Variants in SLC22A4 observed in about 807,000 individuals in gnomAD.
SLC22A4 encodes ET transporter.
Under a neutral mutation model 56.6 loss-of-function variants are expected in SLC22A4, and 39 were observed. That is an observed-to-expected ratio of 0.69 (90% CI 0.53 to 0.90). The LOEUF (loss-of-function observed/expected upper bound fraction) is 0.90, where lower values mean the gene tolerates loss of function less well. Among genes scored for constraint, SLC22A4 ranks in the 40% least tolerant of loss-of-function variants. The probability of loss-of-function intolerance (pLI) is 0.00; values close to 1 mark genes in which losing one functional copy is unlikely to be tolerated. For synonymous variants in SLC22A4, 241 were observed against 281.4 expected, an observed-to-expected ratio of 0.86 and a Z score of 1.44; for missense variants, 594 against 696.5, an observed-to-expected ratio of 0.85 and a Z score of 1.66.
At chr5:132,332,389 T>C (rs1002808859) in intron 6 of SLC22A4, 9 of 158,230 alleles carry the variant, frequency 5.7e-5, no homozygotes, top group African/African-American at 2.2e-4. Flanking sequence ...CCCTTCCCCC[T>C]CCTAAAGTTA....
At chr5:132,325,377 C>G (rs781716978) in intron 4 of SLC22A4, among the ~76,000 whole-genome samples, 3 of 152,200 alleles carry the variant, frequency 2.0e-5, no homozygotes, top group Non-Finnish European at 2.9e-5. Flanking sequence ...TTAGTGGGTG[C>G]TGTCTTAGTA....
intron 3 of SLC22A4, among the ~76,000 whole-genome samples, chr5:132,319,675 C>T (rs1260601526): frequency 6.6e-6 from 1 of 152,186 alleles, no homozygotes; most frequent in Non-Finnish European, 1.5e-5. Flanking sequence ...TCACTGCAAC[C>T]TCTGCCTCCT....
intron 4 of SLC22A4, among the ~76,000 whole-genome samples, chr5:132,323,272 C>G (rs1750596149): frequency 6.6e-6 from 1 of 152,194 alleles, no homozygotes; most frequent in Non-Finnish European, 1.5e-5. Flanking sequence ...TTTTGGAACT[C>G]ACAATTTAGA....
At chr5:132,327,241 T>A (rs1418966283) in intron 4 of SLC22A4, 36 bp from the exon 5 acceptor site, 1 of 1,469,978 alleles carries the variant, frequency 6.8e-7, no homozygotes, top group African/African-American at 1.4e-5. Flanking sequence ...GCCCTGCTGT[T>A]GTGAAAAATT....
chr5:132,318,882 G>A (rs190975935), intron 3 of SLC22A4, among the ~76,000 whole-genome samples: 159 of 152,236 alleles, frequency 1.0e-3, no homozygotes, highest in Non-Finnish European at 1.9e-3. Context: ...GGGATCCCCC[G>A]TCAGCACAGC....
At chr5:132,308,157 C>G (rs777735391) in intron 1 of SLC22A4, among the ~76,000 whole-genome samples, 1 of 152,084 alleles carries the variant, frequency 6.6e-6, no homozygotes, top group East Asian at 1.9e-4. Flanking sequence ...TGCCTCTTTC[C>G]TCTCTAGCCA....
At chr5:132,324,251 G>C (rs1750619198) in intron 4 of SLC22A4, among the ~76,000 whole-genome samples, 1 of 151,752 alleles carries the variant, frequency 6.6e-6, no homozygotes, top group Non-Finnish European at 1.5e-5. Context: ...AAGAGAGAGA[G>C]AGAATAACAA....
intron 4 of SLC22A4, among the ~76,000 whole-genome samples, chr5:132,326,666 G>A (rs1580839102): frequency 1.3e-5 from 2 of 152,306 alleles, no homozygotes; most frequent in African/African-American, 4.8e-5. Context: ...AGCTTTTTTA[G>A]ACATTAACAA....
chr5:132,306,771 T>C (rs1052030238), intron 1 of SLC22A4, among the ~76,000 whole-genome samples: 3 of 151,882 alleles, frequency 2.0e-5, no homozygotes, highest in African/African-American at 7.3e-5. Context: ...TATTAAACCA[T>C]AAAAAGTAAT....
At chr5:132,326,731 G>A (rs1216191830) in intron 4 of SLC22A4, among the ~76,000 whole-genome samples, 1 of 152,224 alleles carries the variant, frequency 6.6e-6, no homozygotes, top group Non-Finnish European at 1.5e-5. Context: ...TCGCTGATCT[G>A]GGAATCTGTT....
At chr5:132,321,634 G>A (rs1271785215) in intron 3 of SLC22A4, among the ~76,000 whole-genome samples, 3 of 152,196 alleles carry the variant, frequency 2.0e-5, no homozygotes, top group African/African-American at 7.2e-5. Flanking sequence ...TTGGCCAGGC[G>A]CGGTGGCTCA....
intron 3 of SLC22A4, among the ~76,000 whole-genome samples, chr5:132,315,539 G>GAA (rs1204291343): frequency 3.9e-5 from 6 of 152,136 alleles, no homozygotes; most frequent in Admixed American, 2.0e-4. Flanking sequence ...TACAGGAAAG[G>GAA]GCTGCCCTCC....
At chr5:132,336,250 G>A (rs771595676) in intron 8 of SLC22A4, among the ~76,000 whole-genome samples, 10 of 152,148 alleles carry the variant, frequency 6.6e-5, no homozygotes, top group African/African-American at 9.7e-5. Flanking sequence ...CAACTCAGGC[G>A]TGGTGGCTCA....
chr5:132,341,318 T>C (rs377596933), intron 9 of SLC22A4, among the ~76,000 whole-genome samples: 6 of 151,488 alleles, frequency 4.0e-5, no homozygotes, highest in South Asian at 2.1e-4. Flanking sequence ...CTCAGGAGGC[T>C]GAGGTAGGAG....
chr5:132,318,686 G>A (rs886315694), intron 3 of SLC22A4, among the ~76,000 whole-genome samples: 1 of 152,148 alleles, frequency 6.6e-6, no homozygotes, highest in Non-Finnish European at 1.5e-5. Context: ...GGGTGTGACA[G>A]GTGGTGGGCA....
chr5:132,299,471 G>A (rs1032413525), intron 1 of SLC22A4, among the ~76,000 whole-genome samples: 2 of 151,692 alleles, frequency 1.3e-5, no homozygotes, highest in Non-Finnish European at 2.9e-5. Context: ...TTGTTGCCCA[G>A]GGTGGAGGAG....
intron 5 of SLC22A4, among the ~76,000 whole-genome samples, chr5:132,331,200 G>C (rs1022477443): frequency 4.6e-5 from 7 of 152,134 alleles, no homozygotes; most frequent in African/African-American, 1.7e-4. Flanking sequence ...AGATGCGGTG[G>C]TGCTCGCCTG....
intron 2 of SLC22A4, among the ~76,000 whole-genome samples, chr5:132,313,166 T>C (rs936615724): frequency 1.3e-5 from 2 of 152,162 alleles, no homozygotes; most frequent in East Asian, 3.9e-4. Context: ...GCATCAGTAT[T>C]TTTTCCAAGC....
intron 8 of SLC22A4, among the ~76,000 whole-genome samples, 161 bp from the exon 9 acceptor site, chr5:132,340,403 CT>C (rs140058362): frequency 1.3e-4 from 20 of 152,296 alleles, no homozygotes; most frequent in Non-Finnish European, 2.5e-4. Context: ...ACAATGTCAT[CT>C]GCCAAAAAGA....
Sources: gnomAD v4.1 joint callset for allele counts (sites outside exome capture counted in the v4.1 genomes callset) on GRCh38, gnomAD v4.1.1 for gene constraint, MANE v1.5 for transcripts, NCBI Gene and HGNC (gene_info 2026-07-23, HGNC 2026-07-21) for gene names.